PRKN: variants seen among roughly 807,000 people sequenced by gnomAD.
The protein encoded by PRKN is parkin RBR E3 ubiquitin protein ligase, also known as E3 ubiquitin-protein ligase parkin.
PRKN carries 56 observed loss-of-function variants against 59.5 expected under a neutral mutation model. That is an observed-to-expected ratio of 0.94 (90% CI 0.76 to 1.18). The LOEUF is 1.18. Ranked by LOEUF, PRKN falls within the 50% of genes most tolerant of loss-of-function variation. The probability of loss-of-function intolerance (pLI) is 0.00; values close to 1 mark genes in which losing one functional copy is unlikely to be tolerated. For missense variants in PRKN, 657 were observed against 596.4 expected (o/e 1.10, Z -1.06); for synonymous variants, 250 against 222.1 (o/e 1.13, Z -1.12).
intron 1 of PRKN, among the ~76,000 whole-genome samples, chr6:162,683,928 G>GA (rs1779869725): frequency 6.6e-6 from 1 of 152,052 alleles, no homozygotes; most frequent in Non-Finnish European, 1.5e-5. Context: ...GTTTAAGAGT[G>GA]AAAAAACGTA....
chr6:162,091,580 G>A lies in PRKN; in HGVS notation c.535-37406C>T, dbSNP rs73783408. 2.7e-3 allele frequency among the ~76,000 whole-genome samples: 408 copies of A among 152,258 alleles called. 2 individuals are homozygous for A. The highest frequency in any genetic ancestry group is 9.3e-3 in the African/African-American group (386 of 41,542). On this transcript the variant is annotated intron_variant, in intron 4 of 11. Coordinates refer to ENST00000366898, the MANE Select transcript of PRKN (RefSeq NM_004562.3). ...TTTTTCATGTAAATGAACATCACAA[G>A]GACAGGTGAACTCTCTGCAGGCACC...
In PRKN at chr6:161,423,395, G is replaced by A. The variant is rs532277118; in HGVS notation, c.1084-36518C>T. ...TAAATAATTCGGAGGTGAGTACTGC[G>A]ATGCAGTTACACGTCGTAACCACCT... On this transcript the variant is annotated intron_variant, in intron 9 of 11. Coordinates refer to ENST00000366898, the MANE Select transcript of PRKN (RefSeq NM_004562.3). The surrounding 1 kb of genome is among the most constrained non-coding windows in gnomAD (Gnocchi z 5.9). Among the ~76,000 whole-genome samples the A allele has an allele frequency of 2.7e-3, 414 of 152,286 alleles. 3 individuals are homozygous for A. Among genetic ancestry groups the A allele is most frequent in the African/African-American group, 9.7e-3 (401 of 41,540 alleles).
chr6:162,228,465 T>C (rs1183581269), intron 3 of PRKN, among the ~76,000 whole-genome samples: 2 of 152,138 alleles, frequency 1.3e-5, no homozygotes, highest in Admixed American at 1.3e-4. Flanking sequence ...AACTAATCCT[T>C]TCCTGTATAA....
At chr6:162,116,413 C>T (rs1780674734) in intron 4 of PRKN, among the ~76,000 whole-genome samples, 1 of 152,166 alleles carries the variant, frequency 6.6e-6, no homozygotes, top group African/African-American at 2.4e-5. Context: ...TGGCATGAAA[C>T]AGCTCTCTAG....
intron 8 of PRKN, among the ~76,000 whole-genome samples, chr6:161,564,533 T>G (rs1421569451): frequency 6.6e-6 from 1 of 152,204 alleles, no homozygotes; most frequent in Non-Finnish European, 1.5e-5. Flanking sequence ...GGCGTGTCCC[T>G]GAGGACACTA....
chr6:162,545,691 G>A (rs1196809817), intron 1 of PRKN, among the ~76,000 whole-genome samples: 1 of 152,112 alleles, frequency 6.6e-6, no homozygotes, highest in Non-Finnish European at 1.5e-5. Flanking sequence ...AATGTCAGAT[G>A]ACACTAAAAT....
At chr6:161,987,096 C>T (rs1251703842) in intron 5 of PRKN, among the ~76,000 whole-genome samples, 1 of 152,128 alleles carries the variant, frequency 6.6e-6, no homozygotes, top group Non-Finnish European at 1.5e-5. Flanking sequence ...CATAAACATT[C>T]CACTCAAGAT....
intron 7 of PRKN, among the ~76,000 whole-genome samples, chr6:161,708,414 A>G (rs1786599222): frequency 6.6e-6 from 1 of 151,146 alleles, no homozygotes; most frequent in South Asian, 2.1e-4. Flanking sequence ...CACTGCCCCA[A>G]TTACCTTTTT....
chr6:162,113,699 T>C (rs1483671557), intron 4 of PRKN, among the ~76,000 whole-genome samples: 1 of 152,328 alleles, frequency 6.6e-6, no homozygotes, highest in South Asian at 2.1e-4. Flanking sequence ...CAGGACAGCG[T>C]AGTAGTTATT....
intron 2 of PRKN, among the ~76,000 whole-genome samples, chr6:162,267,524 A>C (rs1366830735): frequency 6.6e-6 from 1 of 152,192 alleles, no homozygotes; most frequent in African/African-American, 2.4e-5. Flanking sequence ...ACAATGTCTT[A>C]TTTATCTTTG....
rs1489374229 is a variant in PRKN, at chr6:161,483,641, A to G, written c.1083+65213T>C. Among the ~76,000 whole-genome samples the G allele has an allele frequency of 2.0e-5, 3 of 152,162 alleles. No individual in the cohort carries two copies. Among genetic ancestry groups the G allele is most frequent in the Admixed American group, 1.3e-4 (2 of 15,270 alleles). ...TCTACATTAATGCCCCTCATCCCCA[A>G]TAGAGAGCACATTGGTAGCTCAAAT... On this transcript the variant is annotated intron_variant, in intron 9 of 11. Transcript: ENST00000366898. This position sits in a 1 kb window ranked among gnomAD's most constrained non-coding sequence, Gnocchi z 5.0.
At chr6:162,354,962 T>TA (rs555390268) in intron 2 of PRKN, among the ~76,000 whole-genome samples, 293 of 152,006 alleles carry the variant, frequency 1.9e-3, no homozygotes, top group Non-Finnish European at 3.1e-3. Context: ...CTCAGTCAAT[T>TA]AAAAAAATAA....
intron 4 of PRKN, among the ~76,000 whole-genome samples, chr6:162,150,487 T>G (rs961344201): frequency 1.3e-5 from 2 of 152,154 alleles, no homozygotes; most frequent in African/African-American, 4.8e-5. Context: ...CTGGCAGGAT[T>G]CGTCTCAGGT....
chr6:161,969,910 T>C (rs1179467361), intron 6 of PRKN, among the ~76,000 whole-genome samples: 1 of 152,222 alleles, frequency 6.6e-6, no homozygotes, highest in Non-Finnish European at 1.5e-5. Context: ...TAATTTTTCA[T>C]GGTTGTGTGA....
At chr6:162,058,401 G>A (rs1582968983) in intron 4 of PRKN, among the ~76,000 whole-genome samples, 4 of 152,114 alleles carry the variant, frequency 2.6e-5, no homozygotes, top group Admixed American at 1.3e-4. Context: ...AGGTCATCTC[G>A]CCTCCAGGGA....
intron 2 of PRKN, among the ~76,000 whole-genome samples, chr6:162,422,766 G>A (rs1479892937): frequency 2.0e-5 from 3 of 151,942 alleles, no homozygotes; most frequent in Non-Finnish European, 4.4e-5. Context: ...GCAACATGGT[G>A]AAACCCTGTC....
chr6:162,128,651 T>C (rs1009378830), intron 4 of PRKN, among the ~76,000 whole-genome samples: 4 of 152,200 alleles, frequency 2.6e-5, no homozygotes, highest in African/African-American at 7.2e-5. Context: ...AATGTATGTA[T>C]ACCTCCCAAA....
At chr6:161,493,036 G>A (rs188969100) in intron 9 of PRKN, among the ~76,000 whole-genome samples, 4 of 152,212 alleles carry the variant, frequency 2.6e-5, no homozygotes, top group Admixed American at 1.3e-4. Context: ...AAACATAACC[G>A]TTAAATTCTA....
At chr6:161,873,269 C>T (rs1794419002) in intron 6 of PRKN, among the ~76,000 whole-genome samples, 2 of 151,874 alleles carry the variant, frequency 1.3e-5, no homozygotes, top group Non-Finnish European at 2.9e-5. Flanking sequence ...CCTGTAGAAA[C>T]GGTCTCTCCT....
Sources: allele counts gnomAD v4.1 joint callset (sites outside exome capture counted in the v4.1 genomes callset), GRCh38; gene constraint gnomAD v4.1.1; non-coding constraint Gnocchi (gnomAD v3.1); transcripts MANE v1.5; gene names NCBI Gene and HGNC (gene_info 2026-07-23, HGNC 2026-07-21).